Variants in GNPAT observed in about 807,000 individuals in gnomAD.
The protein encoded by GNPAT is glyceronephosphate O-acyltransferase.
Under a neutral mutation model 78.4 loss-of-function variants are expected in GNPAT, and 30 were observed. The ratio of observed to expected loss-of-function variants is 0.38; its 90% CI spans 0.29 to 0.52. The LOEUF (loss-of-function observed/expected upper bound fraction) is 0.52. Ranked by LOEUF, GNPAT falls within the 20% of genes least tolerant of loss-of-function variation. The pLI is 0.84. For missense variants in GNPAT, 714 were observed against 812.2 expected (o/e 0.88, Z 1.47); for synonymous variants, 271 against 281.1 (o/e 0.96, Z 0.36).
intron 2 of GNPAT, among the ~76,000 whole-genome samples, chr1:231,253,934 T>G (rs909645712): frequency 4.6e-5 from 7 of 152,168 alleles, no homozygotes; most frequent in African/African-American, 1.7e-4. Context: ...GGCATCTCTC[T>G]CCCGAGTAGC....
At chr1:231,243,120 TACAG>T (rs987091488) in intron 1 of GNPAT, among the ~76,000 whole-genome samples, 1 of 152,236 alleles carries the variant, frequency 6.6e-6, no homozygotes, top group Non-Finnish European at 1.5e-5. Flanking sequence ...ATATAGAAGT[TACAG>T]ATGCAGGCTC....
intron 6 of GNPAT, 36 bp downstream of exon 6, chr1:231,265,823 C>G: frequency 7.8e-7 from 1 of 1,278,724 alleles, no homozygotes; most frequent in East Asian, 2.3e-5. Context: ...AAATACAAAC[C>G]CAAAGACATC....
chr1:231,272,068 C>G (rs1000833282), intron 10 of GNPAT, among the ~76,000 whole-genome samples: 4 of 152,158 alleles, frequency 2.6e-5, no homozygotes, highest in Admixed American at 6.5e-5. Flanking sequence ...CCATTGCACT[C>G]CAGCCTGGGT....
intron 15 of GNPAT, among the ~76,000 whole-genome samples, chr1:231,276,438 C>T (rs1158078007): frequency 1.3e-5 from 2 of 152,092 alleles, no homozygotes; most frequent in Non-Finnish European, 2.9e-5. Context: ...AGAGTCAGTC[C>T]CTAACATGAC....
chr1:231,265,060 G>GT (rs1685336820), intron 4 of GNPAT, among the ~76,000 whole-genome samples: 1 of 152,082 alleles, frequency 6.6e-6, no homozygotes, highest in Admixed American at 6.5e-5. Flanking sequence ...TCTTAATAAT[G>GT]TTTGAGTTTA....
chr1:231,271,572 G>GTTTGGT (rs978777525), intron 10 of GNPAT, among the ~76,000 whole-genome samples: 13 of 152,304 alleles, frequency 8.5e-5, no homozygotes, highest in East Asian at 5.8e-4. Context: ...AGCCATTGGT[G>GTTTGGT]TTTGGTTTTG....
chr1:231,271,027 T>C (rs1685550959), intron 10 of GNPAT, 27 bp downstream of exon 10: 2 of 1,612,720 alleles, frequency 1.2e-6, no homozygotes, highest in African/African-American at 2.7e-5. Context: ...CAATCTTGAC[T>C]TTTAGAAGAG....
chr1:231,247,375 GT>G (rs982173148), intron 1 of GNPAT, among the ~76,000 whole-genome samples: 38 of 152,172 alleles, frequency 2.5e-4, no homozygotes, highest in African/African-American at 8.9e-4. Flanking sequence ...CAGATAAGAA[GT>G]TCACAGTCTT....
At chr1:231,242,632 G>A (rs993563759) in intron 1 of GNPAT, among the ~76,000 whole-genome samples, 3 of 152,238 alleles carry the variant, frequency 2.0e-5, no homozygotes, top group Non-Finnish European at 4.4e-5. Context: ...GAGCAGGCAC[G>A]AAGGGAAGAG....
intron 2 of GNPAT, among the ~76,000 whole-genome samples, chr1:231,260,134 C>T (rs934050589): frequency 6.6e-6 from 1 of 152,130 alleles, no homozygotes; most frequent in Admixed American, 6.5e-5. Context: ...AGCATTGAGC[C>T]AGCTGGTGGA....
chr1:231,260,748 A>T (rs1685202082), intron 3 of GNPAT, 65 bp downstream of exon 3: 1 of 1,138,778 alleles, frequency 8.8e-7, no homozygotes. Context: ...ACAAAAAAAA[A>T]AACAGTCTCT....
intron 10 of GNPAT, 113 bp from the exon 11 acceptor site, chr1:231,272,199 T>G: frequency 1.4e-6 from 1 of 696,650 alleles, no homozygotes; most frequent in South Asian, 1.4e-5. Context: ...TTGTCCCTGT[T>G]ACATGAATAA....
At position 231,260,658 on chromosome 1, in the gene GNPAT, G is replaced by A; in HGVS notation, c.413G>A (p.Cys138Tyr). The change falls in exon 3 of 16, where the codon TGT (cysteine) becomes TAT (tyrosine). Residue 138 changes from cysteine (C) to tyrosine (Y), a missense_variant. Transcript: ENST00000366647. ...KVFKQIFSKVCVNEEGIQKLQ... is the reference protein window; with the variant it reads ...KVFKQIFSKVYVNEEGIQKLQ... ...TTTAAACAAATTTTCTCGAAGGTGT[G>A]TGTAAATGAAGAAGGTATTCAGAAA... 1.2e-6 allele frequency: 2 copies of A among 1,610,364 alleles called. No individual in the cohort carries two copies. The highest frequency in any genetic ancestry group is 1.1e-5 in the South Asian group (1 of 90,978).
intron 11 of GNPAT, among the ~76,000 whole-genome samples, chr1:231,272,597 T>C (rs1168892256): frequency 6.6e-6 from 1 of 152,210 alleles, no homozygotes; most frequent in Non-Finnish European, 1.5e-5. Context: ...TTAGGGATTA[T>C]ATGGTGAGAG....
chr1:231,275,529 C>G, intron 14 of GNPAT, 31 bp downstream of exon 14: 1 of 1,156,650 alleles, frequency 8.6e-7, no homozygotes, highest in Non-Finnish European at 1.3e-6. Flanking sequence ...CATGAGTGCT[C>G]AAGGAACAAG....
chr1:231,275,210 C>G lies in GNPAT; in HGVS notation c.1744-11C>G. ...TCTTTCTGTTCCCCTCATCCTTCCT[C>G]TTAAAATCAGATAATTTGCAAGTAC... On this transcript the variant is annotated splice_polypyrimidine_tract_variant and intron_variant, in intron 12 of 15. Transcript: ENST00000366647. The G allele has an allele frequency of 6.6e-7, 1 of 1,523,510 alleles. No homozygotes were observed. The highest frequency in any genetic ancestry group is 9.1e-7 in the Non-Finnish European group (1 of 1,097,286). The allele number at this position is 1,523,510 out of a possible 1,614,324, so 94.4% of individuals were successfully genotyped here.
Position 231,252,447 on chromosome 1 carries a change from C to T in GNPAT, c.261+1304C>T, listed in dbSNP as rs115958542. Among the ~76,000 whole-genome samples, 1,180 of 152,276 alleles carry T rather than the reference C, an allele frequency of 7.7e-3. 13 individuals carry two copies. The highest frequency in any genetic ancestry group is 0.026 in the African/African-American group (1,080 of 41,550). ...ATTTGGTGGGCAGGAGCTCCCTGATCGCTAGCCCTCCACGTCATATCACCC... is the reference window on the plus strand; with the variant it reads ...ATTTGGTGGGCAGGAGCTCCCTGATTGCTAGCCCTCCACGTCATATCACCC... On this transcript the variant is annotated intron_variant, in intron 2 of 15. Coordinates refer to ENST00000366647, the MANE Select transcript of GNPAT (RefSeq NM_014236.4).
chr1:231,270,987 A>G lies in GNPAT; in HGVS notation c.1509A>G (p.Pro503=). Residue 503 remains proline, a synonymous_variant, in exon 10 of 16, where the codon CCA becomes CCG. Transcript: ENST00000366647. The part of the protein sequence containing the change: ...SLVAVALQMT[P]GFRKEDVYSC... ...TAGCAGTAGCATTGCAGATGACACC[A>G]GGGTTCAGGAAAGGTAATTTTCAGG... 1 of 1,614,162 alleles carries G rather than the reference A, an allele frequency of 6.2e-7. No homozygotes were observed. The highest frequency in any genetic ancestry group is 8.5e-7 in the Non-Finnish European group (1 of 1,179,988).
At chr1:231,277,133 G>A (rs979557241) in intron 15 of GNPAT, among the ~76,000 whole-genome samples, 1 of 152,186 alleles carries the variant, frequency 6.6e-6, no homozygotes. Flanking sequence ...TATTTATATC[G>A]TGTCTGAAGA....
Sources: allele counts gnomAD v4.1 joint callset (sites outside exome capture counted in the v4.1 genomes callset), GRCh38; gene constraint gnomAD v4.1.1; transcripts MANE v1.5; gene names NCBI Gene and HGNC (gene_info 2026-07-23, HGNC 2026-07-21).